BMP2K: variants seen among roughly 807,000 people sequenced by gnomAD.
The protein encoded by BMP2K is BMP-2-inducible protein kinase.
A neutral mutation model predicts 116.0 loss-of-function variants in BMP2K; 74 were observed. The ratio of observed to expected loss-of-function variants is 0.64; its 90% CI spans 0.53 to 0.77. The LOEUF (loss-of-function observed/expected upper bound fraction) is 0.77, where lower values mean the gene tolerates loss of function less well. Ranked by LOEUF, BMP2K falls within the 30% of genes least tolerant of loss-of-function variation. The probability of loss-of-function intolerance (pLI) is 0.00; values close to 1 mark genes in which losing one functional copy is unlikely to be tolerated. For missense variants in BMP2K, 1,365 were observed against 1,403.6 expected, an observed-to-expected ratio of 0.97 and a Z score of 0.44; for synonymous variants, 486 against 502.5, an observed-to-expected ratio of 0.97 and a Z score of 0.44.
chr4:78,791,285 G>T (rs1727984421), intron 1 of BMP2K, among the ~76,000 whole-genome samples: 1 of 152,132 alleles, frequency 6.6e-6, no homozygotes, highest in African/African-American at 2.4e-5. Flanking sequence ...TTGATAGGGG[G>T]TCTATCAGGT....
At chr4:78,880,728 AGAATAGCTTAAAACTTCATGATC>A (rs1280700561) in intron 14 of BMP2K, among the ~76,000 whole-genome samples, 1 of 152,244 alleles carries the variant, frequency 6.6e-6, no homozygotes, top group Non-Finnish European at 1.5e-5. Flanking sequence ...GCTATTTTTA[AGAATAGCTTAAAACTTCATGATC>A]AGATAATGTG....
Position 78,776,440 on chromosome 4 carries a change from C to G in BMP2K, c.-104C>G, listed in dbSNP as rs1727233240. Reference sequence around the variant, plus strand: ...GAGGCTTGGCGGGCCGCAGCACGCTCGGACGGGCCAGGGGCGGCGACCCCT... The same window carrying G: ...GAGGCTTGGCGGGCCGCAGCACGCTGGGACGGGCCAGGGGCGGCGACCCCT... On this transcript the variant is annotated 5_prime_UTR_variant, in exon 1 of 16. Transcript: ENST00000502613. 1 of 1,056,060 alleles carries G rather than the reference C, an allele frequency of 9.5e-7. No individual in the cohort carries two copies. The highest frequency in any genetic ancestry group is 1.2e-6 in the Non-Finnish European group (1 of 868,194). 65.4% of individuals were successfully genotyped at this position (1,056,060 alleles called of 1,614,324 possible). A position where few individuals can be genotyped will look rare whatever the true frequency, so the allele number is the denominator to read the frequency against.
chr4:78,843,435 T>G (rs1730854444), intron 4 of BMP2K, among the ~76,000 whole-genome samples: 1 of 151,872 alleles, frequency 6.6e-6, no homozygotes, highest in Non-Finnish European at 1.5e-5. Flanking sequence ...TCTTTTTTTT[T>G]TCTTCCATTT....
chr4:78,850,799 A>G lies in BMP2K; in HGVS notation c.751-125A>G, dbSNP rs1731213942. ...TTAAATATATTAATTTTTTTAAGAA[A>G]TAATTTGTAAAAAGATTGCTGCAGT... On this transcript the variant is annotated intron_variant, in intron 6 of 15. Coordinates refer to ENST00000502613, the MANE Select transcript of BMP2K (RefSeq NM_198892.2). 3.4e-6 allele frequency: 3 copies of G among 875,168 alleles called. No individual in the cohort carries two copies. In the South Asian group the frequency reaches 6.9e-5, roughly 20 times the overall value. The allele number at this position is 875,168 out of a possible 1,614,324, so 54.2% of individuals were successfully genotyped here.
At chr4:78,904,526 T>G (rs1734190737) in intron 15 of BMP2K, among the ~76,000 whole-genome samples, 1 of 151,928 alleles carries the variant, frequency 6.6e-6, no homozygotes, top group African/African-American at 2.4e-5. Context: ...TTATAACCTA[T>G]CATTGCTGTT....
Position 78,844,908 on chromosome 4 carries a change from A to G in BMP2K, c.547-20A>G, listed in dbSNP as rs1212161818. On this transcript the variant is annotated intron_variant, in intron 4 of 15. Coordinates refer to ENST00000502613, the MANE Select transcript of BMP2K (RefSeq NM_198892.2). ...TTTCACTTTGAAAATACTACTCATT[A>G]TTGATTTTCTTTTCTTAAGGTAGAA... The G allele has an allele frequency of 1.9e-6, 3 of 1,572,344 alleles. No homozygotes were observed. In the Admixed American group the frequency reaches 5.1e-5, roughly 27 times the overall value.
intron 9 of BMP2K, among the ~76,000 whole-genome samples, chr4:78,865,328 G>T (rs1193085175): frequency 6.6e-6 from 1 of 152,092 alleles, no homozygotes; most frequent in Admixed American, 6.5e-5. Flanking sequence ...GTTTCAGTAG[G>T]AGATTATGAA....
At chr4:78,906,183 T>C (rs1416746923) in intron 15 of BMP2K, 2 of 152,100 alleles carry the variant, frequency 1.3e-5, no homozygotes, top group African/African-American at 2.4e-5. Context: ...AAAGGATTAA[T>C]AGTTTGTCTT....
chr4:78,888,338 C>T (rs142883470), intron 15 of BMP2K, among the ~76,000 whole-genome samples: 7 of 152,258 alleles, frequency 4.6e-5, no homozygotes, highest in African/African-American at 1.7e-4. Flanking sequence ...TAAATGTGTT[C>T]CCTTATACCC....
chr4:78,888,949 C>T (rs879455704), intron 15 of BMP2K, among the ~76,000 whole-genome samples: 4 of 152,114 alleles, frequency 2.6e-5, no homozygotes, highest in African/African-American at 7.2e-5. Context: ...GGGCCGGGCG[C>T]GGTGGCTTGC....
chr4:78,793,774 C>A (rs1405302816), intron 1 of BMP2K, among the ~76,000 whole-genome samples: 1 of 151,508 alleles, frequency 6.6e-6, no homozygotes, highest in African/African-American at 2.4e-5. Context: ...ACATAGAAGA[C>A]CTTATTAATA....
Position 78,894,076 on chromosome 4 carries a change from A to G in BMP2K, c.2062+6792A>G, listed in dbSNP as rs1733577227. Reference sequence around the variant, plus strand: ...GTGGGTTTCAAATAATCAGTAAACTATGCTGGAAACAGATGTGATGTCATC... The same window carrying G: ...GTGGGTTTCAAATAATCAGTAAACTGTGCTGGAAACAGATGTGATGTCATC... On this transcript the variant is annotated intron_variant, in intron 15 of 15. Transcript: ENST00000502613. Among the ~76,000 whole-genome samples the G allele has an allele frequency of 2.0e-5, 3 of 152,364 alleles. No homozygotes were observed. The South Asian group carries it at 6.2e-4, about 32-fold the overall frequency.
At chr4:78,840,625 T>G (rs1228870026) in intron 3 of BMP2K, among the ~76,000 whole-genome samples, 1 of 152,192 alleles carries the variant, frequency 6.6e-6, no homozygotes, top group African/African-American at 2.4e-5. Context: ...TACCTTTTTT[T>G]TAAATTAGAA....
chr4:78,887,382 G>A, intron 15 of BMP2K, 98 bp downstream of exon 15: 1 of 815,236 alleles, frequency 1.2e-6, no homozygotes, highest in South Asian at 1.6e-5. Flanking sequence ...ATGTTAGTTA[G>A]CTACAGAAAG....
In BMP2K at chr4:78,894,416, G is replaced by T. The variant is rs531170038; in HGVS notation, c.2062+7132G>T. Among the ~76,000 whole-genome samples, 24 of 152,238 alleles carry T rather than the reference G, an allele frequency of 1.6e-4. No homozygotes were observed. The South Asian group carries it at 4.8e-3, about 30-fold the overall frequency. ...CCGGATAACTTGTTACACTTCCTGC[G>T]TTACCTGTACTTACATGTTCTGGAG... On this transcript the variant is annotated intron_variant, in intron 15 of 15. Transcript: ENST00000502613.
intron 15 of BMP2K, among the ~76,000 whole-genome samples, chr4:78,895,816 C>T (rs1733671969): frequency 6.6e-6 from 1 of 152,084 alleles, no homozygotes; most frequent in Non-Finnish European, 1.5e-5. Flanking sequence ...GGCTGGAGTG[C>T]AGTGGCATGA....
intron 10 of BMP2K, among the ~76,000 whole-genome samples, chr4:78,869,426 G>A (rs1230207459): frequency 3.3e-5 from 5 of 152,124 alleles, no homozygotes; most frequent in African/African-American, 1.2e-4. Flanking sequence ...ATTTTAGCTA[G>A]ATAGGAAGAA....
In BMP2K at chr4:78,850,987, G is replaced by A; in HGVS notation, c.814G>A (p.Ala272Thr). Residue 272 changes from alanine to threonine, a missense_variant, in exon 7 of 16, where the codon GCT becomes ACT. Physicochemically the swap from Ala to Thr is moderately conservative, Grantham distance 58. Around this residue, in one of 3 missense-constraint regions of BMP2K, gnomAD observed 762 missense variants for 756.7 expected, o/e 1.01. Coordinates refer to ENST00000502613, the MANE Select transcript of BMP2K (RefSeq NM_198892.2). The part of the protein sequence containing the change: ...FTLPFGESQV[A>T]ICDGNFTIPD... The stretch of plus-strand genomic sequence containing the variant: ...TCTTCCTTTTGGTGAGAGTCAGGTT[G>A]CTATCTGTGATGGCAACTTCACCAT... 1 of 1,612,160 alleles carries A rather than the reference G, an allele frequency of 6.2e-7. No homozygotes were observed. The highest frequency in any genetic ancestry group is 2.2e-5 in the East Asian group (1 of 44,802).
chr4:78,784,171 A>AT (rs1031451001), intron 1 of BMP2K, among the ~76,000 whole-genome samples: 6 of 151,978 alleles, frequency 3.9e-5, no homozygotes, highest in Non-Finnish European at 8.8e-5. Flanking sequence ...TTTCCCTCCT[A>AT]TTTTTTTGTC....
Sources: gnomAD v4.1 joint callset for allele counts (sites outside exome capture counted in the v4.1 genomes callset) on GRCh38, gnomAD v4.1.1 for gene constraint, gnomAD v4.1.1 regional missense constraint, MANE v1.5 for transcripts, NCBI Gene and HGNC (gene_info 2026-07-23, HGNC 2026-07-21) for gene names.